Variants in TOMM40 observed in about 807,000 individuals in gnomAD.
The protein encoded by TOMM40 is translocase of outer mitochondrial membrane 40, also known as mitochondrial import receptor subunit TOM40 homolog.
In TOMM40, 9 loss-of-function variants were observed where a neutral mutation model predicts 38.4. The observed-to-expected ratio is 0.23, with a 90% CI of 0.14 to 0.41. The LOEUF (loss-of-function observed/expected upper bound fraction) is 0.41, where lower values mean the gene tolerates loss of function less well. Among genes scored for constraint, TOMM40 ranks in the 10% least tolerant of loss-of-function variants. The probability of loss-of-function intolerance (pLI) is 1.00; values close to 1 mark genes in which losing one functional copy is unlikely to be tolerated. For missense variants in TOMM40, 299 were observed against 486.5 expected, an observed-to-expected ratio of 0.61 and a Z score of 3.63; for synonymous variants, 184 against 210.0, an observed-to-expected ratio of 0.88 and a Z score of 1.07.
At chr19:44,894,170 G>A in intron 5 of TOMM40, 104 bp downstream of exon 5, 1 of 845,086 alleles carries the variant, frequency 1.2e-6, no homozygotes, top group Non-Finnish European at 1.8e-6. Flanking sequence ...TGGAGAAGTG[G>A]CTCAGCAGGA....
In TOMM40 at chr19:44,891,288, C is replaced by G. The variant is rs1208080812; in HGVS notation, c.-128C>G. On this transcript the variant is annotated 5_prime_UTR_variant, in exon 1 of 9. Coordinates refer to ENST00000426677, the MANE Select transcript of TOMM40 (RefSeq NM_001128917.2). ...GTGGCGCACGGGGTGGGAGCGGAGC[C>G]CAGGCCGGGAGCAGGCGCCGCCGCC... 1 of 1,184,596 alleles carries G rather than the reference C, an allele frequency of 8.4e-7. No homozygotes were observed. The highest frequency in any genetic ancestry group is 1.1e-6 in the Non-Finnish European group (1 of 952,062). The allele number at this position is 1,184,596 out of a possible 1,614,324, so 73.4% of individuals were successfully genotyped here.
chr19:44,903,207 C>T lies in TOMM40; in HGVS notation c.*38C>T. 6.4e-7 allele frequency: 1 copy of T among 1,561,528 alleles called. No individual in the cohort carries two copies. Among genetic ancestry groups the T allele is most frequent in the Non-Finnish European group, 8.7e-7 (1 of 1,152,954 alleles). Reference sequence around the variant, plus strand: ...CCCGCCTTCCACGCCCTTCCGATTCCACCTCCACCTCCACCTCCCCCTGCC... The same window carrying T: ...CCCGCCTTCCACGCCCTTCCGATTCTACCTCCACCTCCACCTCCCCCTGCC... On this transcript the variant is annotated 3_prime_UTR_variant, in exon 9 of 9. Transcript: ENST00000426677.
At chr19:44,896,739 G>A (rs1331089356) in intron 5 of TOMM40, among the ~76,000 whole-genome samples, 5 of 152,120 alleles carry the variant, frequency 3.3e-5, no homozygotes, top group African/African-American at 2.4e-5. Context: ...AGCAGTGACC[G>A]AGACAGCCCA....
intron 7 of TOMM40, 45 bp from the exon 8 acceptor site, chr19:44,901,163 G>A (rs1969674089): frequency 1.9e-6 from 3 of 1,613,960 alleles, no homozygotes; most frequent in Non-Finnish European, 2.5e-6. Context: ...GGAAGTCCAG[G>A]TGGGGCCACT....
rs1281402044 is a variant in TOMM40 at position 44,897,970 on chromosome 19, G to A, written c.644-2760G>A. Among the ~76,000 whole-genome samples the A allele has an allele frequency of 2.0e-5, 3 of 152,048 alleles. No homozygotes were observed. In the South Asian group the frequency reaches 6.2e-4, roughly 32 times the overall value. Reference sequence around the variant, plus strand: ...CAGTGGGGGGTTCGGGGATTCATTTGCTTCATCTCCTCTGGGAAGGAGAGT... The same window carrying A: ...CAGTGGGGGGTTCGGGGATTCATTTACTTCATCTCCTCTGGGAAGGAGAGT... On this transcript the variant is annotated intron_variant, in intron 5 of 8. Transcript: ENST00000426677.
Position 44,901,029 on chromosome 19 carries a change from G to A in TOMM40, c.768G>A (p.Leu256=). ...TVMSLAGKYT[L]NNWLATVTLG... ...CGCCTCCACCCCACTCTCTGACAGT[G>A]AACAACTGGTTGGCAACGGTAACGT... The change falls in exon 7 of 9, where the codon TTG becomes TTA. Residue 256 remains leucine, a splice_region_variant and synonymous_variant. Coordinates refer to ENST00000426677, the MANE Select transcript of TOMM40 (RefSeq NM_001128917.2). The A allele has an allele frequency of 3.1e-6, 5 of 1,614,178 alleles. No homozygotes were observed. Among genetic ancestry groups the A allele is most frequent in the Non-Finnish European group, 4.2e-6 (5 of 1,180,046 alleles).
In TOMM40 at chr19:44,900,716, C is replaced by A. The variant is rs758694922; in HGVS notation, c.644-14C>A. The A allele has an allele frequency of 6.2e-7, 1 of 1,612,050 alleles. No homozygotes were observed. Among genetic ancestry groups the A allele is most frequent in the Non-Finnish European group, 8.5e-7 (1 of 1,179,848 alleles). ...CTCAGGGTGGGTGGAAACTGATCGT[C>A]ATTTTGCCCACAGGAATCCTCGTAG... On this transcript the variant is annotated splice_polypyrimidine_tract_variant and intron_variant, in intron 5 of 8. Transcript: ENST00000426677.
intron 1 of TOMM40, 31 bp downstream of exon 1, chr19:44,891,720 G>T (rs1024115455): frequency 2.7e-5 from 38 of 1,414,454 alleles, no homozygotes; most frequent in Non-Finnish European, 3.4e-5. Flanking sequence ...GCTGGGCTGC[G>T]ATGGCCTGGA....
At chr19:44,891,747 AG>A in intron 1 of TOMM40, 58 bp downstream of exon 1, 1 of 1,379,436 alleles carries the variant, frequency 7.2e-7, no homozygotes, top group Non-Finnish European at 9.4e-7. Flanking sequence ...GGGAAGGGGG[AG>A]GACACTGGGG....
rs373304793 is a variant in TOMM40 at position 44,900,713 on chromosome 19, C to T, written c.644-17C>T. ...GCACTCAGGGTGGGTGGAAACTGAT[C>T]GTCATTTTGCCCACAGGAATCCTCG... On this transcript the variant is annotated splice_polypyrimidine_tract_variant and intron_variant, in intron 5 of 8. Coordinates refer to ENST00000426677, the MANE Select transcript of TOMM40 (RefSeq NM_001128917.2). 1.2e-6 allele frequency: 2 copies of T among 1,611,836 alleles called. No individual in the cohort carries two copies. Among genetic ancestry groups the T allele is most frequent in the African/African-American group, 1.3e-5 (1 of 74,860 alleles).
rs1969456312 is a variant in TOMM40 at position 44,891,311 on chromosome 19, G to A, written c.-105G>A. The stretch of plus-strand genomic sequence containing the variant: ...GCCCAGGCCGGGAGCAGGCGCCGCC[G>A]CCAGTGAGAACCGGGGCCGGAGCCG... On this transcript the variant is annotated 5_prime_UTR_variant, in exon 1 of 9. Coordinates refer to ENST00000426677, the MANE Select transcript of TOMM40 (RefSeq NM_001128917.2). 10 of 1,204,884 alleles carry A rather than the reference G, an allele frequency of 8.3e-6. No individual in the cohort carries two copies. In the South Asian group the frequency reaches 2.9e-4, roughly 35 times the overall value. 74.6% of individuals were successfully genotyped at this position (1,204,884 alleles called of 1,614,324 possible).
chr19:44,891,339 T>C lies in TOMM40; in HGVS notation c.-77T>C. On this transcript the variant is annotated 5_prime_UTR_variant, in exon 1 of 9. Coordinates refer to ENST00000426677, the MANE Select transcript of TOMM40 (RefSeq NM_001128917.2). ...AGTGAGAACCGGGGCCGGAGCCGGG[T>C]GCGGATTTGCTGGGGCTGAGTCGGG... The C allele has an allele frequency of 8.2e-7, 1 of 1,217,636 alleles. No individual in the cohort carries two copies. Among genetic ancestry groups the C allele is most frequent in the Non-Finnish European group, 1.0e-6 (1 of 977,832 alleles). The allele number at this position is 1,217,636 out of a possible 1,614,324, so 75.4% of individuals were successfully genotyped here.
intron 8 of TOMM40, 104 bp from the exon 9 acceptor site, chr19:44,902,926 G>T: frequency 6.8e-7 from 1 of 1,463,992 alleles, no homozygotes; most frequent in Admixed American, 2.2e-5. Context: ...TGTGGTTAAA[G>T]GTCTGGAAGC....
At chr19:44,892,350 G>T (rs770233140) in intron 1 of TOMM40, 43 bp from the exon 2 acceptor site, 3 of 1,583,150 alleles carry the variant, frequency 1.9e-6, no homozygotes, top group Admixed American at 1.7e-5. Flanking sequence ...ATGAGAGTTG[G>T]TGTGGGGTTG....
At chr19:44,892,364 T>C in intron 1 of TOMM40, 29 bp from the exon 2 acceptor site, 1 of 1,610,536 alleles carries the variant, frequency 6.2e-7, no homozygotes, top group South Asian at 1.1e-5. Flanking sequence ...GGGGTTGGAG[T>C]GGAGTGTGAC....
Position 44,903,256 on chromosome 19 carries a change from C to G in TOMM40, c.*87C>G, listed in dbSNP as rs993154034. The G allele has an allele frequency of 8.9e-6, 12 of 1,352,694 alleles. No individual in the cohort carries two copies. The South Asian group carries it at 1.2e-4, about 13-fold the overall frequency. The allele number at this position is 1,352,694 out of a possible 1,614,324, so 83.8% of individuals were successfully genotyped here. A position where few individuals can be genotyped will look rare whatever the true frequency, so the allele number is the denominator to read the frequency against. On this transcript the variant is annotated 3_prime_UTR_variant, in exon 9 of 9. Coordinates refer to ENST00000426677, the MANE Select transcript of TOMM40 (RefSeq NM_001128917.2). ...CCACAGAGGGGAGACCTGAGCCCCC[C>G]TCCCTTCCCTCCCCCCTTGGGGGTC...
At position 44,892,406 on chromosome 19, in the gene TOMM40, T is replaced by C; in HGVS notation, c.288T>C (p.Ile96=). The change falls in exon 2 of 9, where the codon ATT becomes ATC. Residue 96 remains isoleucine, a synonymous_variant. Coordinates refer to ENST00000426677, the MANE Select transcript of TOMM40 (RefSeq NM_001128917.2). ...TCTCTTCTCCAGAGCTGTTTCCCAT[T>C]CAGATGGAGGGTGTCAAGCTCACAG... is the stretch of plus-strand genomic sequence containing the variant. ...CHRKCKELFP[I]QMEGVKLTVN... The C allele has an allele frequency of 6.2e-7, 1 of 1,613,726 alleles. No homozygotes were observed. The highest frequency in any genetic ancestry group is 8.5e-7 in the Non-Finnish European group (1 of 1,180,020).
Position 44,896,201 on chromosome 19 carries a change from G to C in TOMM40, c.643+2135G>C, listed in dbSNP as rs1447590674. 2.0e-5 allele frequency among the ~76,000 whole-genome samples: 3 copies of C among 151,930 alleles called. No homozygotes were observed. The East Asian group carries it at 5.8e-4, about 29-fold the overall frequency. ...ACGCTTTGGTCTCTAGTCCTTTCCAGTGCCTCTTCCTTCCCCCAGACACCA... is the reference window on the plus strand; with the variant it reads ...ACGCTTTGGTCTCTAGTCCTTTCCACTGCCTCTTCCTTCCCCCAGACACCA... On this transcript the variant is annotated intron_variant, in intron 5 of 8. Transcript: ENST00000426677.
chr19:44,894,057 G>C lies in TOMM40; in HGVS notation c.634G>C (p.Val212Leu). 2 of 1,513,680 alleles carry C rather than the reference G, an allele frequency of 1.3e-6. No homozygotes were observed. The highest frequency in any genetic ancestry group is 1.3e-5 in the South Asian group (1 of 75,630). 93.8% of individuals were successfully genotyped at this position (1,513,680 alleles called of 1,614,324 possible). The stretch of plus-strand genomic sequence containing the variant: ...CACCCTGGGGAACCCAGACGTCCTC[G>C]TGGGTTCAGGTAAGAGGCGGAGGGC... ...AVTLGNPDVL[V>L]GSGILVAHYL... is the part of the protein sequence containing the mutation. Residue 212 changes from valine to leucine, a missense_variant, in exon 5 of 9, where the codon GTG (valine) becomes CTG (leucine). By Grantham distance (32) the Val-to-Leu change is conservative (BLOSUM62 1). Transcript: ENST00000426677.
Sources: gnomAD v4.1 joint callset for allele counts (sites outside exome capture counted in the v4.1 genomes callset) on GRCh38, gnomAD v4.1.1 for gene constraint, MANE v1.5 for transcripts, NCBI Gene and HGNC (gene_info 2026-07-23, HGNC 2026-07-21) for gene names.